The following PAPPA2 variants were observed in gnomAD, a reference collection of about 807,000 sequenced individuals.
The protein encoded by PAPPA2 is pappalysin 2, also known as pappalysin-2.
PAPPA2 carries 86 observed loss-of-function variants against 176.4 expected under a neutral mutation model. That is an observed-to-expected ratio of 0.49 (90% CI 0.41 to 0.58). The LOEUF is 0.58. Among genes scored for constraint, PAPPA2 ranks in the 20% least tolerant of loss-of-function variants. PAPPA2 has a pLI of 0.00. For synonymous variants in PAPPA2, 809 were observed against 852.2 expected, an observed-to-expected ratio of 0.95 and a Z score of 0.88; for missense variants, 2,073 against 2,256.9, an observed-to-expected ratio of 0.92 and a Z score of 1.65.
At chr1:176,672,133 A>G (rs1339491969) in intron 4 of PAPPA2, among the ~76,000 whole-genome samples, 1 of 152,046 alleles carries the variant, frequency 6.6e-6, no homozygotes, top group East Asian at 1.9e-4. Context: ...ATTATTATAA[A>G]GGGAAATCTT....
At chr1:176,802,192 G>A (rs762097124) in intron 21 of PAPPA2, among the ~76,000 whole-genome samples, 50 of 152,248 alleles carry the variant, frequency 3.3e-4, no homozygotes, top group Non-Finnish European at 5.9e-4. Context: ...CCCCAACCGA[G>A]AGTTTGTTGT....
intron 3 of PAPPA2, among the ~76,000 whole-genome samples, chr1:176,628,196 T>C (rs899630540): frequency 1.3e-5 from 2 of 149,260 alleles, no homozygotes; most frequent in African/African-American, 5.0e-5. Flanking sequence ...GGGAGTACAA[T>C]GAAATAGAGA....
chr1:176,652,671 G>A (rs910325674), intron 3 of PAPPA2, among the ~76,000 whole-genome samples: 1 of 151,662 alleles, frequency 6.6e-6, no homozygotes, highest in African/African-American at 2.4e-5. Flanking sequence ...CTGTTCTCAG[G>A]GATGTTTCTC....
In PAPPA2 at chr1:176,595,030, C is replaced by A. The variant is rs1332471953; in HGVS notation, c.1426C>A (p.Pro476Thr). 1.2e-6 allele frequency: 2 copies of A among 1,614,028 alleles called. No individual in the cohort carries two copies. The highest frequency in any genetic ancestry group is 1.7e-6 in the Non-Finnish European group (2 of 1,180,046). ...GGTTCCCTTTAGAGATGAGAAGTAC[C>A]CACGACTTGAGGTTCTCCAGGGCTT... ...EWVPFRDEKY[P>T]RLEVLQGFEP... The change falls in exon 3 of 23, where the codon CCA (proline) becomes ACA (threonine). Residue 476 changes from proline (P) to threonine (T), a missense_variant. By Grantham distance (38) the Pro-to-Thr change is conservative. This residue lies in a region of PAPPA2 where 1,196 missense variants were observed against 1,330.4 expected (regional missense o/e 0.90). Coordinates refer to ENST00000367662, the MANE Select transcript of PAPPA2 (RefSeq NM_020318.3).
chr1:176,767,414 A>G (rs1390329973), intron 15 of PAPPA2, among the ~76,000 whole-genome samples: 1 of 152,086 alleles, frequency 6.6e-6, no homozygotes, highest in East Asian at 1.9e-4. Context: ...ATCTCAGCTC[A>G]CTGCAACCTC....
chr1:176,596,286 C>T (rs1056498711), intron 3 of PAPPA2, among the ~76,000 whole-genome samples: 1 of 152,172 alleles, frequency 6.6e-6, no homozygotes, highest in Admixed American at 6.5e-5. Flanking sequence ...GATACACAGC[C>T]TCTTAATGCA....
intron 3 of PAPPA2, among the ~76,000 whole-genome samples, chr1:176,602,127 C>T (rs1335952649): frequency 1.3e-5 from 2 of 152,146 alleles, no homozygotes; most frequent in Non-Finnish European, 2.9e-5. Context: ...TATTTGTTTT[C>T]TCTATATTTG....
intron 3 of PAPPA2, among the ~76,000 whole-genome samples, chr1:176,654,856 A>G (rs777978536): frequency 5.9e-5 from 9 of 151,582 alleles, no homozygotes; most frequent in Non-Finnish European, 1.3e-4. Flanking sequence ...TGCCTTCTTA[A>G]TTTGTTTTTC....
chr1:176,689,818 G>T (rs1660020512), intron 4 of PAPPA2, among the ~76,000 whole-genome samples: 1 of 152,170 alleles, frequency 6.6e-6, no homozygotes, highest in Admixed American at 6.5e-5. Context: ...TTGAACCCCT[G>T]TATGTCTTCT....
intron 1 of PAPPA2, among the ~76,000 whole-genome samples, chr1:176,480,755 C>T (rs981330984): frequency 6.6e-6 from 1 of 152,148 alleles, no homozygotes; most frequent in Non-Finnish European, 1.5e-5. Flanking sequence ...TAGGACCACC[C>T]CTTCTCCCTC....
At chr1:176,596,438 T>G (rs2102653178) in intron 3 of PAPPA2, among the ~76,000 whole-genome samples, 1 of 152,328 alleles carries the variant, frequency 6.6e-6, no homozygotes, top group Non-Finnish European at 1.5e-5. Context: ...CCTCCTTTCC[T>G]TAATATTCCC....
chr1:176,828,321 C>A (rs1170695007), intron 21 of PAPPA2, among the ~76,000 whole-genome samples: 1 of 152,110 alleles, frequency 6.6e-6, no homozygotes, highest in African/African-American at 2.4e-5. Flanking sequence ...ACACCACACA[C>A]CTATATAAAA....
intron 1 of PAPPA2, among the ~76,000 whole-genome samples, chr1:176,549,351 T>C (rs1051477225): frequency 1.3e-5 from 2 of 152,196 alleles, no homozygotes; most frequent in South Asian, 4.1e-4. Flanking sequence ...TCTGGTATAT[T>C]TATAGGAAAT....
chr1:176,665,145 G>A lies in PAPPA2; in HGVS notation c.1992-5825G>A, dbSNP rs185204518. On this transcript the variant is annotated intron_variant, in intron 3 of 22. Coordinates refer to ENST00000367662, the MANE Select transcript of PAPPA2 (RefSeq NM_020318.3). ...TTTCTTAGAGATAAACTGAATATCC[G>A]CAGTCCACATAATGCTGTGGGCATG... 8.5e-5 allele frequency among the ~76,000 whole-genome samples: 13 copies of A among 152,238 alleles called. No homozygotes were observed. The East Asian group carries it at 1.5e-3, about 18-fold the overall frequency.
chr1:176,600,291 A>G (rs1340449309), intron 3 of PAPPA2, among the ~76,000 whole-genome samples: 1 of 152,184 alleles, frequency 6.6e-6, no homozygotes, highest in Non-Finnish European at 1.5e-5. Context: ...ATAGAGATAT[A>G]GATCTTTGGG....
Position 176,769,770 on chromosome 1 carries a change from C to A in PAPPA2, c.4487C>A (p.Pro1496Gln). 1 of 1,607,366 alleles carries A rather than the reference C, an allele frequency of 6.2e-7. No homozygotes were observed. Among genetic ancestry groups the A allele is most frequent in the Non-Finnish European group, 8.5e-7 (1 of 1,177,840 alleles). ...LKRCSISCVPPAKLQGLSPWL... is the reference protein window; with the variant it reads ...LKRCSISCVPQAKLQGLSPWL... The stretch of plus-strand genomic sequence containing the variant: ...CGCTGCTCAATCTCTTGTGTCCCAC[C>A]AGCCAAGCTGCAAGGTATTGTCTGG... The change falls in exon 16 of 23, where the codon CCA becomes CAA. Residue 1496 changes from proline (P) to glutamine (Q), a missense_variant. Pro to Gln is a moderately conservative substitution (Grantham distance 76). Around this residue, in one of 4 missense-constraint regions of PAPPA2, gnomAD observed 846 missense variants for 857.9 expected, o/e 0.99. Coordinates refer to ENST00000367662, the MANE Select transcript of PAPPA2 (RefSeq NM_020318.3).
chr1:176,562,333 T>C (rs995906299), intron 2 of PAPPA2, among the ~76,000 whole-genome samples: 2 of 152,122 alleles, frequency 1.3e-5, no homozygotes, highest in South Asian at 4.1e-4. Flanking sequence ...ACATAGAATA[T>C]GGAGCTTCAT....
intron 4 of PAPPA2, among the ~76,000 whole-genome samples, chr1:176,681,082 A>T (rs868819384): frequency 6.6e-5 from 10 of 151,648 alleles, no homozygotes; most frequent in African/African-American, 2.4e-4. Flanking sequence ...TCCATGGAAG[A>T]GGGAGGGGGA....
At chr1:176,650,182 T>C (rs942112370) in intron 3 of PAPPA2, among the ~76,000 whole-genome samples, 2 of 151,470 alleles carry the variant, frequency 1.3e-5, no homozygotes, top group Non-Finnish European at 3.0e-5. Context: ...CTTTGATTTG[T>C]AGTATATTTA....
Sources: gnomAD v4.1 joint callset for allele counts (sites outside exome capture counted in the v4.1 genomes callset) on GRCh38, gnomAD v4.1.1 for gene constraint, gnomAD v4.1.1 regional missense constraint, MANE v1.5 for transcripts, NCBI Gene and HGNC (gene_info 2026-07-23, HGNC 2026-07-21) for gene names.